JAK2: variants seen among roughly 807,000 people sequenced by gnomAD.
JAK2 encodes the protein tyrosine-protein kinase JAK2.
In JAK2, 86 loss-of-function variants were observed where a neutral mutation model predicts 139.3. The ratio of observed to expected loss-of-function variants is 0.62; its 90% CI spans 0.52 to 0.74. JAK2 has a LOEUF of 0.74. JAK2 is among the 30% of genes least tolerant of loss of function. The pLI, the probability that JAK2 is intolerant of heterozygous loss-of-function variation, is 0.00. For synonymous variants in JAK2, 490 were observed against 437.7 expected (o/e 1.12, Z -1.49); for missense variants, 1,421 against 1,360.3 (o/e 1.04, Z -0.70).
chr9:5,101,489 C>A (rs980111430), intron 22 of JAK2, among the ~76,000 whole-genome samples: 8 of 152,272 alleles, frequency 5.3e-5, no homozygotes, highest in African/African-American at 1.7e-4. Flanking sequence ...CTTCTGCAGA[C>A]TTAAACGTCC....
chr9:5,046,931 C>G (rs1332952448), intron 5 of JAK2, among the ~76,000 whole-genome samples: 1 of 152,126 alleles, frequency 6.6e-6, no homozygotes, highest in Non-Finnish European at 1.5e-5. Flanking sequence ...ACTATTCATT[C>G]AGCTACTTTA....
chr9:5,083,471 C>T (rs1819857073), intron 19 of JAK2, among the ~76,000 whole-genome samples: 1 of 152,150 alleles, frequency 6.6e-6, no homozygotes, highest in African/African-American at 2.4e-5. Context: ...GAAATATCTC[C>T]AGATGTCATT....
chr9:5,116,402 T>C (rs1226229373), intron 22 of JAK2, among the ~76,000 whole-genome samples: 1 of 152,238 alleles, frequency 6.6e-6, no homozygotes, highest in African/African-American at 2.4e-5. Context: ...GTCGTCATGA[T>C]AAACATTAGA....
intron 14 of JAK2, 69 bp downstream of exon 14, chr9:5,073,854 G>C: frequency 9.7e-7 from 1 of 1,036,188 alleles, no homozygotes; most frequent in African/African-American, 1.6e-5. Context: ...AGAAAATTCA[G>C]TTTCAGGATC....
rs56691830 is a variant in JAK2 at position 5,103,221 on chromosome 9, C to CAAAAAAAAAAAAAAAA, written c.3059+12329_3059+12344dup. Among the ~76,000 whole-genome samples, 5 of 6,872 alleles carry CAAAAAAAAAAAAAAAA rather than the reference C, an allele frequency of 7.3e-4. 1 individual carries two copies. The highest frequency in any genetic ancestry group is 1.2e-3 in the African/African-American group (2 of 1,696). The allele number at this position is 6,872 out of a possible 152,430, so 4.5% of individuals were successfully genotyped here. On this transcript the variant is annotated intron_variant, in intron 22 of 24. Coordinates refer to ENST00000381652, the MANE Select transcript of JAK2 (RefSeq NM_004972.4). The stretch of plus-strand genomic sequence containing the variant: ...GAAGATCTACCAAGCAAAGGGAAAG[C>CAAAAAAAAAAAAAAAA]AAAAAAAAAAAAAAAAAAAAAAAAA...
intron 2 of JAK2, among the ~76,000 whole-genome samples, chr9:5,017,679 G>A (rs773727969): frequency 1.2e-4 from 19 of 152,076 alleles, no homozygotes; most frequent in Non-Finnish European, 1.8e-4. Flanking sequence ...AATAAGATAC[G>A]ATGTAATAGA....
chr9:5,082,971 C>G (rs1819817365), intron 19 of JAK2, among the ~76,000 whole-genome samples: 1 of 152,182 alleles, frequency 6.6e-6, no homozygotes, highest in Non-Finnish European at 1.5e-5. Flanking sequence ...GACACAGTAA[C>G]ACACTGATCT....
chr9:5,057,312 T>C (rs1266143428), intron 8 of JAK2, among the ~76,000 whole-genome samples: 2 of 152,162 alleles, frequency 1.3e-5, no homozygotes, highest in South Asian at 4.1e-4. Context: ...TTTCCCAGTG[T>C]ATTATGTGTT....
intron 4 of JAK2, among the ~76,000 whole-genome samples, chr9:5,033,160 A>G (rs1242737873): frequency 6.6e-6 from 1 of 152,222 alleles, no homozygotes; most frequent in Non-Finnish European, 1.5e-5. Flanking sequence ...TGGAAGATGA[A>G]ATGAATGAAA....
At chr9:5,086,179 C>G in intron 19 of JAK2, 1 of 465,044 alleles carries the variant, frequency 2.2e-6, no homozygotes. Context: ...CCGCCGGTCT[C>G]CAGCAACAGC....
intron 10 of JAK2, among the ~76,000 whole-genome samples, chr9:5,068,558 G>A (rs925512476): frequency 6.6e-6 from 1 of 152,170 alleles, no homozygotes; most frequent in Admixed American, 6.5e-5. Flanking sequence ...TAGAAAGATA[G>A]CATGAAGAAT....
At chr9:5,058,502 C>T (rs867616664) in intron 8 of JAK2, among the ~76,000 whole-genome samples, 3 of 152,146 alleles carry the variant, frequency 2.0e-5, no homozygotes, top group Admixed American at 6.5e-5. Context: ...GTCCCTCCCT[C>T]GACACATGGG....
At chr9:5,007,877 G>C (rs1821418456) in intron 2 of JAK2, among the ~76,000 whole-genome samples, 1 of 152,000 alleles carries the variant, frequency 6.6e-6, no homozygotes, top group Admixed American at 6.6e-5. Flanking sequence ...ACAGGCACGT[G>C]CCACCACGCC....
At position 4,987,476 on chromosome 9, in the gene JAK2, C is replaced by T. The variant is rs574418216; in HGVS notation, c.-26+1454C>T. 3.3e-5 allele frequency among the ~76,000 whole-genome samples: 5 copies of T among 152,242 alleles called. No individual in the cohort carries two copies. In the East Asian group the frequency reaches 9.7e-4, roughly 29 times the overall value. On this transcript the variant is annotated intron_variant, in intron 2 of 24. Transcript: ENST00000381652. ...TACGGCTGGTCATGGTGGCTCACGC[C>T]TGTAATCCCAGCACTTTGGGAGGCT... is the stretch of plus-strand genomic sequence containing the variant.
At chr9:5,103,819 T>TG (rs1821727852) in intron 22 of JAK2, among the ~76,000 whole-genome samples, 1 of 151,964 alleles carries the variant, frequency 6.6e-6, no homozygotes, top group Admixed American at 6.6e-5. Context: ...GAATGACTAC[T>TG]GGGTAAATAA....
At chr9:5,121,884 G>A (rs1286718401) in intron 22 of JAK2, among the ~76,000 whole-genome samples, 3 of 152,158 alleles carry the variant, frequency 2.0e-5, no homozygotes, top group African/African-American at 7.2e-5. Context: ...CAGAGGAAGA[G>A]CATATTTTGC....
chr9:5,081,968 G>A (rs1334028208), intron 19 of JAK2, 107 bp downstream of exon 19: 2 of 869,332 alleles, frequency 2.3e-6, no homozygotes, highest in African/African-American at 3.2e-5. Flanking sequence ...AGTGCTTGTA[G>A]AAAAAAAAGG....
intron 3 of JAK2, among the ~76,000 whole-genome samples, chr9:5,023,493 G>A (rs1231656284): frequency 2.0e-5 from 3 of 152,184 alleles, no homozygotes; most frequent in African/African-American, 4.8e-5. Context: ...CTTTTGTGCT[G>A]TCTCTGGGCA....
intron 2 of JAK2, among the ~76,000 whole-genome samples, chr9:5,020,848 A>G (rs1822373516): frequency 6.6e-6 from 1 of 152,002 alleles, no homozygotes; most frequent in Admixed American, 6.6e-5. Flanking sequence ...GGGTGTGGAT[A>G]TGCAGGGGCT....
Sources: allele counts gnomAD v4.1 joint callset (sites outside exome capture counted in the v4.1 genomes callset), GRCh38; gene constraint gnomAD v4.1.1; transcripts MANE v1.5; gene names NCBI Gene and HGNC (gene_info 2026-07-23, HGNC 2026-07-21).